ZNRF3: variants seen among roughly 807,000 people sequenced by gnomAD.
ZNRF3 encodes the protein E3 ubiquitin-protein ligase ZNRF3.
A neutral mutation model predicts 72.5 loss-of-function variants in ZNRF3; 23 were observed. That is an observed-to-expected ratio of 0.32 (90% CI 0.23 to 0.45). The LOEUF is 0.45. Among genes scored for constraint, ZNRF3 ranks in the 20% least tolerant of loss-of-function variants. The probability of loss-of-function intolerance (pLI) is 1.00; values close to 1 mark genes in which losing one functional copy is unlikely to be tolerated. For missense variants in ZNRF3, 1,169 were observed against 1,272.1 expected, an observed-to-expected ratio of 0.92 and a Z score of 1.23; for synonymous variants, 610 against 545.3, an observed-to-expected ratio of 1.12 and a Z score of -1.65.
chr22:29,038,252 G>C (rs2036899448), intron 2 of ZNRF3, among the ~76,000 whole-genome samples: 1 of 152,076 alleles, frequency 6.6e-6, no homozygotes, highest in Non-Finnish European at 1.5e-5. Flanking sequence ...ATCTGTGAGA[G>C]TGATTGGTTC....
intron 1 of ZNRF3, among the ~76,000 whole-genome samples, chr22:28,902,703 T>C (rs930845781): frequency 2.6e-5 from 4 of 152,224 alleles, no homozygotes; most frequent in Non-Finnish European, 5.9e-5. Flanking sequence ...AAGATGGCTT[T>C]GCCTCTCTGG....
chr22:29,012,721 A>G (rs896025379), intron 2 of ZNRF3, among the ~76,000 whole-genome samples: 1 of 152,222 alleles, frequency 6.6e-6, no homozygotes, highest in African/African-American at 2.4e-5. Context: ...AGTGATTTCA[A>G]CTTCTGAAGG....
intron 1 of ZNRF3, among the ~76,000 whole-genome samples, chr22:28,983,548 A>G (rs1488233247): frequency 6.6e-6 from 1 of 152,034 alleles, no homozygotes. Flanking sequence ...CGTCCTCCAC[A>G]TCTGCCGCTC....
chr22:28,973,784 T>TAAA (rs987210176), intron 1 of ZNRF3, among the ~76,000 whole-genome samples: 1 of 152,186 alleles, frequency 6.6e-6, no homozygotes, highest in Non-Finnish European at 1.5e-5. Flanking sequence ...GGAATGAACT[T>TAAA]AAAATCTTGA....
chr22:28,967,071 G>A (rs575674194), intron 1 of ZNRF3, among the ~76,000 whole-genome samples: 59 of 151,936 alleles, frequency 3.9e-4, no homozygotes, highest in African/African-American at 1.4e-3. Flanking sequence ...TAGTAGAAAC[G>A]GGGTTTCACC....
chr22:28,953,086 C>A (rs1002401409), intron 1 of ZNRF3, among the ~76,000 whole-genome samples: 3 of 152,168 alleles, frequency 2.0e-5, no homozygotes, highest in African/African-American at 7.2e-5. Context: ...GAGGAGCCAG[C>A]ATGTTGCATA....
rs552400097 is a variant in ZNRF3 at position 28,945,220 on chromosome 22, C to T, written c.301-41856C>T. Reference sequence around the variant, plus strand: ...TAAGGATGTTCACTAACATGTTATTCGTAATAGAAAATTACTAACAATATC... The same window carrying T: ...TAAGGATGTTCACTAACATGTTATTTGTAATAGAAAATTACTAACAATATC... On this transcript the variant is annotated intron_variant, in intron 1 of 8. Coordinates refer to ENST00000544604, the MANE Select transcript of ZNRF3 (RefSeq NM_001206998.2). Among the ~76,000 whole-genome samples the T allele has an allele frequency of 2.9e-4, 44 of 150,762 alleles. No homozygotes were observed. The East Asian group carries it at 2.9e-3, about 10-fold the overall frequency.
At chr22:28,937,197 A>T (rs1569252558) in intron 1 of ZNRF3, among the ~76,000 whole-genome samples, 4 of 47,024 alleles carry the variant, frequency 8.5e-5, no homozygotes, top group Admixed American at 2.3e-4. Flanking sequence ...ATATATATAT[A>T]TATATATATA....
intron 1 of ZNRF3, among the ~76,000 whole-genome samples, chr22:28,973,191 G>T (rs912345282): frequency 1.3e-5 from 2 of 152,068 alleles, no homozygotes; most frequent in Non-Finnish European, 2.9e-5. Context: ...TGTTACTTAG[G>T]CTGGTCTCAA....
At chr22:29,042,687 G>A in intron 3 of ZNRF3, 118 bp downstream of exon 3, 1 of 887,602 alleles carries the variant, frequency 1.1e-6, no homozygotes, top group South Asian at 1.5e-5. Flanking sequence ...CTTGTCTTCT[G>A]AAGTTAGGTG....
intron 1 of ZNRF3, among the ~76,000 whole-genome samples, chr22:28,927,597 G>T (rs1170546401): frequency 6.6e-6 from 1 of 152,230 alleles, no homozygotes; most frequent in Non-Finnish European, 1.5e-5. Flanking sequence ...GTGTGTGTTT[G>T]TATGTGTGTG....
intron 1 of ZNRF3, among the ~76,000 whole-genome samples, chr22:28,955,473 G>A (rs1456763118): frequency 6.6e-6 from 1 of 152,162 alleles, no homozygotes; most frequent in Non-Finnish European, 1.5e-5. Flanking sequence ...CCACCTTGCA[G>A]CCTCTGTGGA....
intron 1 of ZNRF3, among the ~76,000 whole-genome samples, chr22:28,978,459 A>G (rs769800414): frequency 6.6e-6 from 1 of 152,162 alleles, no homozygotes; most frequent in South Asian, 2.1e-4. Flanking sequence ...TCTCAGACGA[A>G]GTCTCCCTTC....
chr22:29,032,120 C>G (rs571481698), intron 2 of ZNRF3, among the ~76,000 whole-genome samples: 1 of 152,134 alleles, frequency 6.6e-6, no homozygotes, highest in South Asian at 2.1e-4. Flanking sequence ...CATATTTCTC[C>G]GCAGGTTGCA....
At chr22:28,960,384 G>A (rs2035335902) in intron 1 of ZNRF3, among the ~76,000 whole-genome samples, 3 of 152,146 alleles carry the variant, frequency 2.0e-5, no homozygotes, top group Non-Finnish European at 4.4e-5. Context: ...ATGACCATCA[G>A]CCCAGAAAGT....
intron 1 of ZNRF3, among the ~76,000 whole-genome samples, chr22:28,923,901 T>TG (rs899934333): frequency 2.0e-5 from 3 of 151,974 alleles, no homozygotes; most frequent in Non-Finnish European, 4.4e-5. Flanking sequence ...CCAAGTGGGG[T>TG]GGGGGACCGA....
In ZNRF3 at chr22:29,049,297, G is replaced by T. The variant is rs1364003506; in HGVS notation, c.1116G>T (p.Val372=). ...VTLPVHYPGR[V]HRTNAIPAYP... ...TGCCGGTGCATTACCCCGGCCGCGT[G>T]CACAGGACCAACGCCATCCCAGCCT... Residue 372 remains valine (V), a synonymous_variant, in exon 8 of 9, where the codon GTG becomes GTT. Coordinates refer to ENST00000544604, the MANE Select transcript of ZNRF3 (RefSeq NM_001206998.2). This position sits in a 1 kb window ranked among gnomAD's most constrained non-coding sequence, Gnocchi z 5.2. 1.9e-6 allele frequency: 3 copies of T among 1,613,842 alleles called. No homozygotes were observed. The highest frequency in any genetic ancestry group is 2.5e-6 in the Non-Finnish European group (3 of 1,180,016).
intron 1 of ZNRF3, among the ~76,000 whole-genome samples, chr22:28,955,401 T>C (rs140109078): frequency 2.0e-5 from 3 of 152,210 alleles, no homozygotes; most frequent in East Asian, 1.9e-4. Flanking sequence ...GTGCTAGTTA[T>C]GTTTTTCCAA....
intron 2 of ZNRF3, among the ~76,000 whole-genome samples, chr22:29,013,628 CA>C (rs1299482120): frequency 6.6e-6 from 1 of 152,128 alleles, no homozygotes; most frequent in East Asian, 1.9e-4. Context: ...AAGCTGTATC[CA>C]ACCAAAATGG....
Sources: gnomAD v4.1 joint callset for allele counts (sites outside exome capture counted in the v4.1 genomes callset) on GRCh38, gnomAD v4.1.1 for gene constraint, Gnocchi (gnomAD v3.1) non-coding constraint, MANE v1.5 for transcripts, NCBI Gene and HGNC (gene_info 2026-07-23, HGNC 2026-07-21) for gene names.